TNFRSF10B: variants seen among roughly 807,000 people sequenced by gnomAD.
TNFRSF10B encodes the protein tumor necrosis factor receptor superfamily member 10B.
A neutral mutation model predicts 41.4 loss-of-function variants in TNFRSF10B; 35 were observed. That is an observed-to-expected ratio of 0.85 (90% CI 0.65 to 1.12). TNFRSF10B has a LOEUF of 1.12. TNFRSF10B is among the 50% of genes most tolerant of loss of function. TNFRSF10B has a pLI of 0.00. For missense variants in TNFRSF10B, 584 were observed against 552.7 expected, an observed-to-expected ratio of 1.06 and a Z score of -0.57; for synonymous variants, 230 against 215.5, an observed-to-expected ratio of 1.07 and a Z score of -0.59.
chr8:23,064,952 G>C (rs759561015), intron 1 of TNFRSF10B, among the ~76,000 whole-genome samples: 2 of 152,208 alleles, frequency 1.3e-5, no homozygotes, highest in Non-Finnish European at 2.9e-5. Flanking sequence ...CCATGACCTG[G>C]AGCCTTGGGA....
At chr8:23,055,445 C>A (rs112866523) in intron 1 of TNFRSF10B, among the ~76,000 whole-genome samples, 91 of 150,902 alleles carry the variant, frequency 6.0e-4, no homozygotes, top group African/African-American at 2.1e-3. Context: ...TTGTAGCAGG[C>A]CAGGTTTCAC....
intron 3 of TNFRSF10B, among the ~76,000 whole-genome samples, chr8:23,030,453 C>T (rs1288294733): frequency 6.6e-6 from 1 of 152,024 alleles, no homozygotes; most frequent in Non-Finnish European, 1.5e-5. Flanking sequence ...GCTGGAAATA[C>T]AGGCACGCGC....
chr8:23,046,203 C>CA (rs1377554862), intron 1 of TNFRSF10B, among the ~76,000 whole-genome samples: 1 of 152,078 alleles, frequency 6.6e-6, no homozygotes, highest in Non-Finnish European at 1.5e-5. Context: ...AAGACTCCAC[C>CA]AAAAAACTGT....
chr8:23,020,907 GC>G lies in TNFRSF10B; in HGVS notation c.*1763del. The G allele has an allele frequency of 2.2e-6, 1 of 454,066 alleles. No homozygotes were observed. Among genetic ancestry groups the G allele is most frequent in the Non-Finnish European group, 4.4e-6 (1 of 226,780 alleles). The allele number at this position is 454,066 out of a possible 1,614,324, so 28.1% of individuals were successfully genotyped here. ...GCCTTCCAGAAGTGCAGGGGACAAC[GC>G]GTGGGATGCCAGATGGAAGTGGGAG... is the stretch of plus-strand genomic sequence containing the variant. On this transcript the variant is annotated 3_prime_UTR_variant, in exon 9 of 9. Coordinates refer to ENST00000276431, the MANE Select transcript of TNFRSF10B (RefSeq NM_003842.5).
chr8:23,043,832 G>A (rs375143975), intron 1 of TNFRSF10B, among the ~76,000 whole-genome samples: 2 of 152,344 alleles, frequency 1.3e-5, no homozygotes, highest in East Asian at 3.9e-4. Flanking sequence ...TTAGGCAATT[G>A]TGTTGTGTGA....
intron 7 of TNFRSF10B, among the ~76,000 whole-genome samples, chr8:23,025,824 C>T: frequency 6.6e-6 from 1 of 152,118 alleles, no homozygotes; most frequent in East Asian, 1.9e-4. Flanking sequence ...GCTTGTAATC[C>T]CAGCATTTTG....
At chr8:23,040,405 A>G (rs71502599) in intron 2 of TNFRSF10B, among the ~76,000 whole-genome samples, 12,643 of 46,316 alleles carry the variant, frequency 0.27, 5,319 homozygotes, top group East Asian at 0.47. Flanking sequence ...TTAAATATAT[A>G]TACAAAATAT....
intron 7 of TNFRSF10B, among the ~76,000 whole-genome samples, chr8:23,026,598 A>G (rs1441237859): frequency 6.6e-6 from 1 of 152,244 alleles, no homozygotes; most frequent in Admixed American, 6.5e-5. Context: ...AATGAACAAT[A>G]AATGTATATA....
intron 1 of TNFRSF10B, among the ~76,000 whole-genome samples, chr8:23,045,193 G>A (rs1812324226): frequency 6.6e-6 from 1 of 151,420 alleles, no homozygotes; most frequent in African/African-American, 2.4e-5. Context: ...TTGTCACACT[G>A]CACTCCAGCC....
At position 23,028,375 on chromosome 8, in the gene TNFRSF10B, A is replaced by G. The variant is rs781250474; in HGVS notation, c.704T>C (p.Leu235Ser). ...LIVAVFVCKS[L>S]LWKKVLPYLK... ...GTAAGGAAGGACTTTCTTCCACAGT[A>G]AAGACTTGCAAACAAACACAGCCAC... Residue 235 changes from leucine (L) to serine (S), a missense_variant, in exon 5 of 9, where the codon TTA (leucine) becomes TCA (serine). By Grantham distance (145) the Leu-to-Ser change is moderately radical. Transcript: ENST00000276431. 14 of 1,614,030 alleles carry G rather than the reference A, an allele frequency of 8.7e-6. No individual in the cohort carries two copies. The African/African-American group carries it at 1.5e-4, about 17-fold the overall frequency.
intron 1 of TNFRSF10B, among the ~76,000 whole-genome samples, chr8:23,046,387 C>T (rs13249379): frequency 0.23 from 34,784 of 151,626 alleles, 4,245 homozygotes; most frequent in Non-Finnish European, 0.26. Context: ...AGTGAAAGAC[C>T]TGTATGTTAA....
In TNFRSF10B at chr8:23,040,268, TATATATATAATATATATTTATTAA is replaced by T. The variant is rs1563313843; in HGVS notation, c.250+2846_250+2869del. On this transcript the variant is annotated intron_variant, in intron 2 of 8. Coordinates refer to ENST00000276431, the MANE Select transcript of TNFRSF10B (RefSeq NM_003842.5). ...TATATTTAAATATATATTTATTAAATATATATATAATATATATTTATTAAATATATATAATATATATTTAATAAA... is the reference window on the plus strand; with the variant it reads ...TATATTTAAATATATATTTATTAAATATATATATAATATATATTTAATAAA... Among the ~76,000 whole-genome samples, 17 of 127,694 alleles carry T rather than the reference TATATATATAATATATATTTATTAA, an allele frequency of 1.3e-4. 1 individual carries two copies. The highest frequency in any genetic ancestry group is 3.8e-3 in the Middle Eastern group (1 of 260). 83.8% of individuals were successfully genotyped at this position (127,694 alleles called of 152,430 possible).
chr8:23,027,554 G>T, intron 6 of TNFRSF10B, 168 bp downstream of exon 6: 1 of 911,354 alleles, frequency 1.1e-6, no homozygotes, highest in Non-Finnish European at 1.7e-6. Context: ...AGCCTATGTG[G>T]TGCTCAAAAT....
chr8:23,058,430 T>C (rs1361706145), intron 1 of TNFRSF10B, among the ~76,000 whole-genome samples: 1 of 152,208 alleles, frequency 6.6e-6, no homozygotes, highest in African/African-American at 2.4e-5. Context: ...CTGTTCCTTC[T>C]TACCTGTATA....
At chr8:23,055,243 C>A (rs1812630606) in intron 1 of TNFRSF10B, among the ~76,000 whole-genome samples, 1 of 151,982 alleles carries the variant, frequency 6.6e-6, no homozygotes, top group Non-Finnish European at 1.5e-5. Context: ...CTCTCTAAGC[C>A]CCTAAAATAG....
At chr8:23,040,333 TATATTTATTAAATATATACAAA>T (rs1563314021) in intron 2 of TNFRSF10B, among the ~76,000 whole-genome samples, 3 of 88,334 alleles carry the variant, frequency 3.4e-5, no homozygotes, top group African/African-American at 9.9e-5. Context: ...ATACAAAATA[TATATTTATTAAATATATACAAA>T]ATATATATTT....
At chr8:23,037,106 A>T (rs996528894) in intron 2 of TNFRSF10B, among the ~76,000 whole-genome samples, 103 of 152,288 alleles carry the variant, frequency 6.8e-4, no homozygotes, top group African/African-American at 2.3e-3. Flanking sequence ...CTTCACAAAA[A>T]GTGATCTTAG....
chr8:23,068,796 C>T lies in TNFRSF10B; in HGVS notation c.99G>A (p.Arg33=), dbSNP rs767005228. ...REARGARPGP[R]VPKTLVLVVA... is the part of the protein sequence containing the mutation. ...CAACGAGCACAAGGGTCTTGGGGACCCGGGGCCCAGGCCTGGCTCCCCGCG... is the reference window on the plus strand; with the variant it reads ...CAACGAGCACAAGGGTCTTGGGGACTCGGGGCCCAGGCCTGGCTCCCCGCG... The change falls in exon 1 of 9, where the codon CGG becomes CGA. Residue 33 remains arginine (R), a synonymous_variant. Coordinates refer to ENST00000276431, the MANE Select transcript of TNFRSF10B (RefSeq NM_003842.5). The T allele has an allele frequency of 1.2e-6, 2 of 1,609,158 alleles. No homozygotes were observed. Among genetic ancestry groups the T allele is most frequent in the South Asian group, 1.1e-5 (1 of 90,548 alleles).
intron 2 of TNFRSF10B, among the ~76,000 whole-genome samples, chr8:23,032,258 G>A (rs1408548913): frequency 6.6e-6 from 1 of 152,158 alleles, no homozygotes; most frequent in East Asian, 1.9e-4. Flanking sequence ...CCTAATACCT[G>A]TTCTGAATGA....
Sources: allele counts gnomAD v4.1 joint callset (sites outside exome capture counted in the v4.1 genomes callset), GRCh38; gene constraint gnomAD v4.1.1; transcripts MANE v1.5; gene names NCBI Gene and HGNC (gene_info 2026-07-23, HGNC 2026-07-21).